CC2D2B: variants seen among roughly 807,000 people sequenced by gnomAD.
The protein encoded by CC2D2B is protein CC2D2B.
A neutral mutation model predicts 161.2 loss-of-function variants in CC2D2B; 128 were observed. The ratio of observed to expected loss-of-function variants is 0.79; its 90% confidence interval spans 0.69 to 0.92. CC2D2B has a LOEUF of 0.92. CC2D2B is among the 40% of genes least tolerant of loss of function. The pLI is 0.00. For synonymous variants in CC2D2B, 391 were observed against 449.8 expected (o/e 0.87, Z 1.65); for missense variants, 1,173 against 1,375.1 (o/e 0.85, Z 2.32).
At chr10:95,944,402 T>A (rs2076125843) in intron 9 of CC2D2B, among the ~76,000 whole-genome samples, 1 of 152,148 alleles carries the variant, frequency 6.6e-6, no homozygotes, top group African/African-American at 2.4e-5. Context: ...CATTAAAATA[T>A]AAAAACATAA....
intron 6 of CC2D2B, among the ~76,000 whole-genome samples, chr10:95,928,572 G>C (rs1163261156): frequency 1.3e-5 from 2 of 151,986 alleles, no homozygotes; most frequent in African/African-American, 4.8e-5. Flanking sequence ...CCCACCCCCT[G>C]ACAGGCCCTG....
chr10:96,009,710 C>A, intron 25 of CC2D2B, 115 bp from the exon 26 acceptor site: 3 of 467,388 alleles, frequency 6.4e-6, no homozygotes, highest in Non-Finnish European at 1.1e-5. Flanking sequence ...TTCTATTTAT[C>A]TTTTGATTTC....
chr10:95,947,104 TA>T (rs1312060266), intron 9 of CC2D2B, among the ~76,000 whole-genome samples: 10 of 36,530 alleles, frequency 2.7e-4, no homozygotes, highest in African/African-American at 1.7e-3. Context: ...TATATATATA[TA>T]TATATATATT....
At chr10:95,911,024 A>G (rs1169925549) in intron 1 of CC2D2B, among the ~76,000 whole-genome samples, 1 of 152,120 alleles carries the variant, frequency 6.6e-6, no homozygotes, top group Non-Finnish European at 1.5e-5. Flanking sequence ...TTTTTCATGT[A>G]TAAAAACCTA....
In CC2D2B at chr10:96,026,602, G is replaced by A. The variant is rs573132273; in HGVS notation, c.3948-610G>A. Among the ~76,000 whole-genome samples the A allele has an allele frequency of 2.0e-5, 3 of 152,266 alleles. No homozygotes were observed. In the East Asian group the frequency reaches 5.8e-4, roughly 29 times the overall value. On this transcript the variant is annotated intron_variant, in intron 33 of 34. Transcript: ENST00000646931. ...TGTCAACCCAGTAATCGGATGGTAGGTGTTGTCAAATCACACCCAGTAGGC... is the reference window on the plus strand; with the variant it reads ...TGTCAACCCAGTAATCGGATGGTAGATGTTGTCAAATCACACCCAGTAGGC...
chr10:96,008,390 G>A (rs1157723646), intron 25 of CC2D2B, among the ~76,000 whole-genome samples: 1 of 152,012 alleles, frequency 6.6e-6, no homozygotes, highest in Non-Finnish European at 1.5e-5. Flanking sequence ...GAACATTTGT[G>A]TAAAGTCCTT....
At chr10:95,983,835 C>T in intron 19 of CC2D2B, 26 bp downstream of exon 19, 1 of 1,017,932 alleles carries the variant, frequency 9.8e-7, no homozygotes, top group African/African-American at 1.7e-5. Flanking sequence ...TTGAATATGG[C>T]TTATTGTATG....
At chr10:96,026,954 C>G (rs2079807432) in intron 33 of CC2D2B, among the ~76,000 whole-genome samples, 1 of 152,242 alleles carries the variant, frequency 6.6e-6, no homozygotes, top group African/African-American at 2.4e-5. Context: ...GAAACCCCGT[C>G]TCTACTGAAA....
At chr10:96,029,278 ATATATATG>A (rs1254192576) in intron 34 of CC2D2B, among the ~76,000 whole-genome samples, 40 of 60,048 alleles carry the variant, frequency 6.7e-4, no homozygotes, top group Non-Finnish European at 1.0e-3. Context: ...ATATATATAT[ATATATATG>A]TATATATATA....
chr10:95,972,997 G>T (rs1447636991), intron 16 of CC2D2B, among the ~76,000 whole-genome samples: 1 of 152,132 alleles, frequency 6.6e-6, no homozygotes, highest in East Asian at 1.9e-4. Flanking sequence ...CTCTTATACG[G>T]TTAAATGTAA....
chr10:96,032,007 GA>G lies in CC2D2B; in HGVS notation c.*3del, dbSNP rs774617193. ...VYLASLVQHQ[*>X] ...TTGGCTTCCTTAGTTCAACATCAAT[GA>G]AAAGGAAGCAGAGCAAAGTAAAAGA... On this transcript the variant is annotated frameshift_variant and stop_lost, in exon 35 of 35. Coordinates refer to ENST00000646931, the MANE Select transcript of CC2D2B (RefSeq NM_001349008.3). LOFTEE classifies it high-confidence loss of function. 113 of 1,610,278 alleles carry G rather than the reference GA, an allele frequency of 7.0e-5. 1 individual carries two copies. In the Admixed American group the frequency reaches 1.8e-3, roughly 26 times the overall value.
intron 17 of CC2D2B, 23 bp from the exon 18 acceptor site, chr10:95,981,952 A>G: frequency 8.4e-7 from 1 of 1,188,576 alleles, no homozygotes; most frequent in Non-Finnish European, 1.1e-6. Flanking sequence ...ATGCAAGTTC[A>G]CAAAATATTT....
chr10:95,939,428 C>T (rs2075945164), intron 9 of CC2D2B, among the ~76,000 whole-genome samples: 1 of 152,110 alleles, frequency 6.6e-6, no homozygotes, highest in South Asian at 2.1e-4. Flanking sequence ...TTGACTATTA[C>T]TAATAACACT....
intron 11 of CC2D2B, among the ~76,000 whole-genome samples, chr10:95,958,453 C>G (rs1343419724): frequency 1.3e-5 from 2 of 152,104 alleles, no homozygotes; most frequent in Non-Finnish European, 2.9e-5. Context: ...GATTGTGCCA[C>G]TGCATTCCAG....
At chr10:95,929,436 T>C (rs915080358) in intron 6 of CC2D2B, among the ~76,000 whole-genome samples, 3 of 152,218 alleles carry the variant, frequency 2.0e-5, no homozygotes, top group African/African-American at 7.2e-5. Flanking sequence ...TTTGTTGCCA[T>C]TGCTTTTGGT....
At chr10:95,933,426 T>G (rs1206397107) in intron 6 of CC2D2B, among the ~76,000 whole-genome samples, 1 of 152,156 alleles carries the variant, frequency 6.6e-6, no homozygotes, top group Non-Finnish European at 1.5e-5. Flanking sequence ...GTTCCCTTGC[T>G]GGTGAGGAGT....
At chr10:95,972,585 A>G (rs1452921047) in intron 16 of CC2D2B, among the ~76,000 whole-genome samples, 1 of 152,200 alleles carries the variant, frequency 6.6e-6, no homozygotes, top group Admixed American at 6.5e-5. Context: ...AAGTGCTGGG[A>G]TTACAGGCGT....
intron 34 of CC2D2B, among the ~76,000 whole-genome samples, chr10:96,031,442 G>A (rs2080063260): frequency 6.6e-6 from 1 of 152,104 alleles, no homozygotes; most frequent in Non-Finnish European, 1.5e-5. Context: ...AACATAAACT[G>A]AATCGATGTT....
At chr10:95,934,446 A>AC (rs59924883) in intron 6 of CC2D2B, among the ~76,000 whole-genome samples, 16,798 of 149,896 alleles carry the variant, frequency 0.11, 2,111 homozygotes, top group African/African-American at 0.3. Flanking sequence ...TGAAAAAAAA[A>AC]AAACAAACAA....
Sources: allele counts gnomAD v4.1 joint callset (sites outside exome capture counted in the v4.1 genomes callset), GRCh38; gene constraint gnomAD v4.1.1; transcripts MANE v1.5; gene names NCBI Gene and HGNC (gene_info 2026-07-23, HGNC 2026-07-21).